The following HMGA2 variants were observed in gnomAD, a reference collection of about 807,000 sequenced individuals.
HMGA2 encodes high mobility group AT-hook 2.
HMGA2 carries 8 observed loss-of-function variants against 19.1 expected under a neutral mutation model. That is an observed-to-expected ratio of 0.42 (90% CI 0.25 to 0.76). The LOEUF is 0.76. Ranked by LOEUF, HMGA2 falls within the 30% of genes least tolerant of loss-of-function variation. The pLI is 0.28. For missense variants in HMGA2, 109 were observed against 136.3 expected (o/e 0.80, Z 1.00); for synonymous variants, 60 against 48.8 (o/e 1.23, Z -0.96).
chr12:65,943,749 G>C (rs1321083180), intron 3 of HMGA2, among the ~76,000 whole-genome samples: 1 of 152,090 alleles, frequency 6.6e-6, no homozygotes, highest in East Asian at 1.9e-4. Context: ...CACCATAAGG[G>C]CCAGATGTTA....
chr12:65,849,348 C>T (rs1277176788), intron 3 of HMGA2, among the ~76,000 whole-genome samples: 2 of 152,152 alleles, frequency 1.3e-5, no homozygotes, highest in Non-Finnish European at 2.9e-5. Context: ...TCCCCTCATT[C>T]TCTTGAGAGA....
At chr12:65,937,856 C>T (rs554467523) in intron 3 of HMGA2, among the ~76,000 whole-genome samples, 8 of 152,302 alleles carry the variant, frequency 5.3e-5, no homozygotes, top group South Asian at 4.2e-4. Context: ...GTCAAGAGGG[C>T]GCTTCTTACC....
At chr12:65,868,162 G>A (rs1416247547) in intron 3 of HMGA2, among the ~76,000 whole-genome samples, 1 of 152,186 alleles carries the variant, frequency 6.6e-6, no homozygotes, top group Non-Finnish European at 1.5e-5. Context: ...AATGCCACTG[G>A]AAATGTAAGG....
chr12:65,875,790 G>A (rs1322222349), intron 3 of HMGA2, among the ~76,000 whole-genome samples: 4 of 151,558 alleles, frequency 2.6e-5, no homozygotes, highest in Admixed American at 2.6e-4. Context: ...TATGCCATTA[G>A]TCAACTTTCT....
chr12:65,939,555 CATGT>C (rs1211333520), intron 3 of HMGA2, among the ~76,000 whole-genome samples: 1 of 152,142 alleles, frequency 6.6e-6, no homozygotes, highest in Non-Finnish European at 1.5e-5. Context: ...GGGGTTTCAC[CATGT>C]TGGCCAGGCT....
intron 3 of HMGA2, among the ~76,000 whole-genome samples, chr12:65,910,510 A>G (rs1429867691): frequency 2.0e-5 from 3 of 152,202 alleles, no homozygotes; most frequent in Non-Finnish European, 4.4e-5. Flanking sequence ...ATTATTGAGT[A>G]AGATGTTCTG....
At chr12:65,951,705 T>G (rs1592465408) in intron 4 of HMGA2, 1 of 270,822 alleles carries the variant, frequency 3.7e-6, no homozygotes, top group African/African-American at 2.2e-5. Flanking sequence ...ATATTTAATC[T>G]TATCCTATAT....
intron 3 of HMGA2, among the ~76,000 whole-genome samples, chr12:65,921,718 T>C (rs1291661038): frequency 6.6e-6 from 1 of 152,206 alleles, no homozygotes; most frequent in Non-Finnish European, 1.5e-5. Context: ...ATGGGGGAAA[T>C]GTCTCCAGAC....
At chr12:65,919,260 G>A (rs904240326) in intron 3 of HMGA2, among the ~76,000 whole-genome samples, 1 of 152,114 alleles carries the variant, frequency 6.6e-6, no homozygotes, top group South Asian at 2.1e-4. Context: ...TATACATTTG[G>A]CATTTTGGTG....
At chr12:65,955,856 A>C (rs149987228) in intron 4 of HMGA2, 297 of 152,354 alleles carry the variant, frequency 1.9e-3, no homozygotes, top group African/African-American at 6.4e-3. Context: ...AAAATGTTGA[A>C]TGTTTTTACA....
At chr12:65,961,011 G>A (rs1036687142) in intron 4 of HMGA2, among the ~76,000 whole-genome samples, 8 of 152,068 alleles carry the variant, frequency 5.3e-5, no homozygotes, top group East Asian at 1.9e-4. Context: ...GTTTCCTTCC[G>A]GATTTGAAAG....
At chr12:65,866,001 T>C (rs943488021) in intron 3 of HMGA2, among the ~76,000 whole-genome samples, 7 of 152,154 alleles carry the variant, frequency 4.6e-5, no homozygotes, top group African/African-American at 1.4e-4. Context: ...TGATGGAGCA[T>C]CAGAATTTGT....
In HMGA2 at chr12:65,888,688, T is replaced by C. The variant is rs61921581; in HGVS notation, c.249+50119T>C. Among the ~76,000 whole-genome samples the C allele has an allele frequency of 1.2e-3, 179 of 145,476 alleles. 1 individual carries two copies. Among genetic ancestry groups the C allele is most frequent in the African/African-American group, 4.2e-3 (167 of 39,530 alleles). ...ATGCCATTCTCCTGCCTCAGCCTCC[T>C]GAGTAGCTGGGACTACAGGCGCCCG... On this transcript the variant is annotated intron_variant, in intron 3 of 4. Transcript: ENST00000403681.
intron 3 of HMGA2, among the ~76,000 whole-genome samples, chr12:65,913,813 T>A (rs962732453): frequency 6.6e-6 from 1 of 152,194 alleles, no homozygotes; most frequent in African/African-American, 2.4e-5. Flanking sequence ...ATGTGTGTAG[T>A]GTTCCTGATG....
At chr12:65,931,370 C>A (rs1399632821) in intron 3 of HMGA2, among the ~76,000 whole-genome samples, 2 of 152,090 alleles carry the variant, frequency 1.3e-5, no homozygotes, top group Admixed American at 6.5e-5. Flanking sequence ...AAATACCATT[C>A]ACATTTTGGA....
At chr12:65,851,467 A>G (rs1379173139) in intron 3 of HMGA2, 1 of 248,428 alleles carries the variant, frequency 4.0e-6, no homozygotes, top group Non-Finnish European at 8.2e-6. Context: ...GTGAGCTGAG[A>G]TTGCACCATG....
chr12:65,920,445 T>G (rs1875265693), intron 3 of HMGA2, among the ~76,000 whole-genome samples: 1 of 152,188 alleles, frequency 6.6e-6, no homozygotes, highest in Non-Finnish European at 1.5e-5. Flanking sequence ...ATGCGTATTT[T>G]AGGTGCAATT....
At chr12:65,872,174 G>T (rs1388457485) in intron 3 of HMGA2, among the ~76,000 whole-genome samples, 1 of 152,112 alleles carries the variant, frequency 6.6e-6, no homozygotes, top group Non-Finnish European at 1.5e-5. Flanking sequence ...TCTAAATAAG[G>T]TTGCCAGTAA....
At chr12:65,958,543 G>A (rs183285551) in intron 4 of HMGA2, 12 of 152,218 alleles carry the variant, frequency 7.9e-5, no homozygotes, top group African/African-American at 1.2e-4. Context: ...TGGTCTTGCC[G>A]GTCACTTAGC....
Sources: gnomAD v4.1 joint callset for allele counts (sites outside exome capture counted in the v4.1 genomes callset) on GRCh38, gnomAD v4.1.1 for gene constraint, MANE v1.5 for transcripts, NCBI Gene and HGNC (gene_info 2026-07-23, HGNC 2026-07-21) for gene names.